DBX2: variants seen among roughly 807,000 people sequenced by gnomAD.
The protein encoded by DBX2 is developing brain homeobox 2, also known as homeobox protein DBX2.
Under a neutral mutation model 17.7 loss-of-function variants are expected in DBX2, and 16 were observed. The ratio of observed to expected loss-of-function variants is 0.90; its 90% CI spans 0.61 to 1.37. The LOEUF (loss-of-function observed/expected upper bound fraction) is 1.37, where lower values mean the gene tolerates loss of function less well. Ranked by LOEUF, DBX2 falls within the 40% of genes most tolerant of loss-of-function variation. The pLI is 0.00. For synonymous variants in DBX2, 255 were observed against 183.8 expected, an observed-to-expected ratio of 1.39 and a Z score of -3.13; for missense variants, 538 against 433.8, an observed-to-expected ratio of 1.24 and a Z score of -2.13.
At chr12:45,049,988 C>A (rs929557911) in intron 1 of DBX2, among the ~76,000 whole-genome samples, 2 of 152,038 alleles carry the variant, frequency 1.3e-5, no homozygotes, top group African/African-American at 4.8e-5. Context: ...GTGGAGAAAG[C>A]CAGAACTTTG....
chr12:45,028,219 A>G (rs903730670), intron 2 of DBX2, among the ~76,000 whole-genome samples: 2 of 152,204 alleles, frequency 1.3e-5, no homozygotes, highest in Non-Finnish European at 1.5e-5. Flanking sequence ...AAAAGCTGGA[A>G]ACACAGATTA....
chr12:45,020,690 T>C (rs200685998), intron 3 of DBX2, among the ~76,000 whole-genome samples: 35 of 148,438 alleles, frequency 2.4e-4, no homozygotes, highest in African/African-American at 5.2e-4. Context: ...TATATATATA[T>C]ACACACACAC....
intron 3 of DBX2, among the ~76,000 whole-genome samples, chr12:45,019,601 C>A (rs1048728446): frequency 1.3e-5 from 2 of 152,008 alleles, no homozygotes; most frequent in African/African-American, 2.4e-5. Context: ...ACACATAAAT[C>A]CCACTCACAC....
At chr12:45,048,558 G>A (rs1236138780) in intron 1 of DBX2, among the ~76,000 whole-genome samples, 1 of 152,068 alleles carries the variant, frequency 6.6e-6, no homozygotes, top group Non-Finnish European at 1.5e-5. Context: ...ATTTGGTAAG[G>A]CAAGAATCTG....
At chr12:45,027,456 T>C (rs1205496828) in intron 2 of DBX2, among the ~76,000 whole-genome samples, 2 of 152,162 alleles carry the variant, frequency 1.3e-5, no homozygotes, top group Non-Finnish European at 2.9e-5. Context: ...TATACAATTA[T>C]TACAGCAATA....
chr12:45,042,665 C>G (rs1053954138), intron 1 of DBX2, among the ~76,000 whole-genome samples: 1 of 152,180 alleles, frequency 6.6e-6, no homozygotes, highest in African/African-American at 2.4e-5. Context: ...AGCTTGGTGA[C>G]ATGATGAACA....
chr12:45,019,842 C>A (rs1480609382), intron 3 of DBX2, among the ~76,000 whole-genome samples: 1 of 152,074 alleles, frequency 6.6e-6, no homozygotes, highest in East Asian at 1.9e-4. Context: ...AAACTGAGAA[C>A]AATACACATG....
At chr12:45,036,830 C>T (rs1946443670) in intron 1 of DBX2, among the ~76,000 whole-genome samples, 1 of 151,956 alleles carries the variant, frequency 6.6e-6, no homozygotes, top group Non-Finnish European at 1.5e-5. Flanking sequence ...GAGAATAATC[C>T]CATTTTATCT....
intron 1 of DBX2, among the ~76,000 whole-genome samples, chr12:45,042,140 A>G (rs2111970): frequency 0.99 from 150,300 of 152,258 alleles, 74,214 homozygotes; most frequent in East Asian, 1. Context: ...TTATAATATA[A>G]AGCAAGGATG....
intron 3 of DBX2, 152 bp downstream of exon 3, chr12:45,023,555 G>T: frequency 1.1e-6 from 1 of 948,194 alleles, no homozygotes; most frequent in Non-Finnish European, 1.6e-6. Context: ...TACCATGCCT[G>T]GTATAAGAAA....
chr12:45,023,856 T>TAGAGTCCTGTGTCAGG lies in DBX2; in HGVS notation c.522_537dup (p.Asn180ProfsTer6). 6.3e-7 allele frequency: 1 copy of TAGAGTCCTGTGTCAGG among 1,596,018 alleles called. No homozygotes were observed. The highest frequency in any genetic ancestry group is 1.1e-5 in the South Asian group (1 of 87,146). ...AAAATGCCCCTCCGAGCTTTGGAAT[T>TAGAGTCCTGTGTCAGG]AGAGTCCTGTGTCAGGAGAGGCAGC... On this transcript the variant is annotated frameshift_variant, in exon 3 of 4. Transcript: ENST00000332700. LOFTEE classifies it high-confidence loss of function.
In DBX2 at chr12:45,016,991, G is replaced by T. The variant is rs186391521; in HGVS notation, c.688-373C>A. ...TGTACAGACAGGGTTTCATCATGTT[G>T]CCCAGGCTGGTCTTGAACTCCTGAG... On this transcript the variant is annotated intron_variant, in intron 3 of 3. Transcript: ENST00000332700. 9.2e-5 allele frequency among the ~76,000 whole-genome samples: 14 copies of T among 151,964 alleles called. No homozygotes were observed. The East Asian group carries it at 2.1e-3, about 23-fold the overall frequency.
rs929406531 is a variant in DBX2 at position 45,015,404 on chromosome 12, T to C, written c.*882A>G. 1 of 152,206 alleles carries C rather than the reference T, an allele frequency of 6.6e-6. No individual in the cohort carries two copies. The highest frequency in any genetic ancestry group is 2.4e-5 in the African/African-American group (1 of 41,462). 9.4% of individuals were successfully genotyped at this position (152,206 alleles called of 1,614,324 possible). A position where few individuals can be genotyped will look rare whatever the true frequency, so the allele number is the denominator to read the frequency against. ...TCTTAGCCAGAGGTCACAAACTTCT[T>C]GGCATAGACATTTTGTTTGGCCAAT... On this transcript the variant is annotated 3_prime_UTR_variant, in exon 4 of 4. Coordinates refer to ENST00000332700, the MANE Select transcript of DBX2 (RefSeq NM_001004329.3).
At chr12:45,016,942 A>G (rs181457408) in intron 3 of DBX2, among the ~76,000 whole-genome samples, 63 of 152,002 alleles carry the variant, frequency 4.1e-4, no homozygotes, top group African/African-American at 1.3e-3. Flanking sequence ...CACCACCATA[A>G]CCGGCTAATT....
intron 3 of DBX2, 124 bp downstream of exon 3, chr12:45,023,583 G>C (rs868205717): frequency 9.0e-7 from 1 of 1,112,650 alleles, no homozygotes; most frequent in Non-Finnish European, 1.3e-6. Context: ...TAAATAAATG[G>C]ATTCCATTGT....
chr12:45,039,088 G>T lies in DBX2; in HGVS notation c.404-2974C>A, dbSNP rs557578762. Among the ~76,000 whole-genome samples, 21 of 150,518 alleles carry T rather than the reference G, an allele frequency of 1.4e-4. No individual in the cohort carries two copies. The East Asian group carries it at 3.3e-3, about 24-fold the overall frequency. The stretch of plus-strand genomic sequence containing the variant: ...CACGAGTTTAAGTCAATTCCTGATT[G>T]CTATACATAAATACATCTTGTTTAA... On this transcript the variant is annotated intron_variant, in intron 1 of 3. Coordinates refer to ENST00000332700, the MANE Select transcript of DBX2 (RefSeq NM_001004329.3).
At chr12:45,023,638 G>A (rs1023977359) in intron 3 of DBX2, 69 bp downstream of exon 3, 12 of 1,592,710 alleles carry the variant, frequency 7.5e-6, no homozygotes, top group African/African-American at 6.7e-5. Flanking sequence ...CCACCACCCT[G>A]AACACAACTG....
chr12:45,049,129 A>G (rs1320687075), intron 1 of DBX2, among the ~76,000 whole-genome samples: 2 of 152,354 alleles, frequency 1.3e-5, no homozygotes, highest in Non-Finnish European at 2.9e-5. Flanking sequence ...TTAAAATTAA[A>G]TATCTTTTCA....
chr12:45,033,604 T>C (rs1180021986), intron 2 of DBX2, among the ~76,000 whole-genome samples: 1 of 152,176 alleles, frequency 6.6e-6, no homozygotes, highest in East Asian at 1.9e-4. Context: ...ATGTTATTAT[T>C]TGCTGTTAAT....
Sources: gnomAD v4.1 joint callset for allele counts (sites outside exome capture counted in the v4.1 genomes callset) on GRCh38, gnomAD v4.1.1 for gene constraint, MANE v1.5 for transcripts, NCBI Gene and HGNC (gene_info 2026-07-23, HGNC 2026-07-21) for gene names.